The following CFAP44 variants were observed in gnomAD, a reference collection of about 807,000 sequenced individuals.
CFAP44 encodes the protein cilia and flagella associated protein 44, also known as cilia- and flagella-associated protein 44.
In CFAP44, 134 loss-of-function variants were observed where a neutral mutation model predicts 216.2. The observed-to-expected ratio is 0.62, with a 90% CI of 0.54 to 0.72. The LOEUF (loss-of-function observed/expected upper bound fraction) is 0.72, where lower values mean the gene tolerates loss of function less well. Ranked by LOEUF, CFAP44 falls within the 30% of genes least tolerant of loss-of-function variation. CFAP44 has a pLI of 0.00. For synonymous variants in CFAP44, 700 were observed against 727.6 expected, an observed-to-expected ratio of 0.96 and a Z score of 0.61; for missense variants, 2,035 against 2,182.1, an observed-to-expected ratio of 0.93 and a Z score of 1.34.
chr3:113,432,203 ATT>A (rs1935123369), intron 2 of CFAP44: 1 of 152,190 alleles, frequency 6.6e-6, no homozygotes, highest in Non-Finnish European at 1.5e-5. Flanking sequence ...TGGATAGGTT[ATT>A]ATCAACTTGT....
intron 1 of CFAP44, among the ~76,000 whole-genome samples, chr3:113,439,995 A>T (rs1178835405): frequency 6.6e-6 from 1 of 152,196 alleles, no homozygotes; most frequent in Non-Finnish European, 1.5e-5. Flanking sequence ...TACAGTTCTA[A>T]GAAATTCTAC....
At chr3:113,439,663 G>T (rs773134644) in intron 1 of CFAP44, among the ~76,000 whole-genome samples, 6 of 152,084 alleles carry the variant, frequency 3.9e-5, no homozygotes, top group Non-Finnish European at 5.9e-5. Flanking sequence ...AGGTTGACAG[G>T]GTCAACTCTA....
intron 7 of CFAP44, 88 bp downstream of exon 7, chr3:113,409,006 CAAAAAAAAAAAA>C (rs56301009): frequency 3.8e-5 from 12 of 319,554 alleles, no homozygotes; most frequent in South Asian, 5.5e-5. Context: ...ACCAAAACAG[CAAAAAAAAAAAA>C]AAAAAAAAAA....
chr3:113,327,963 AATAAATTCATTAATGGCATTAAGTTTAC>A lies in CFAP44; in HGVS notation c.4117-172_4117-145del, dbSNP rs1950202561. 4.3e-6 allele frequency: 3 copies of A among 702,158 alleles called. No individual in the cohort carries two copies. In the Admixed American group the frequency reaches 9.2e-5, roughly 22 times the overall value. The allele number at this position is 702,158 out of a possible 1,614,324, so 43.5% of individuals were successfully genotyped here. ...TTGTGTGTGTGTGTATAGTCACAAA[AATAAATTCATTAATGGCATTAAGTTTAC>A]ATAAATTAATTTATTAAGTGGTAGG... On this transcript the variant is annotated intron_variant, in intron 26 of 34. Coordinates refer to ENST00000393845, the MANE Select transcript of CFAP44 (RefSeq NM_001164496.2).
intron 6 of CFAP44, among the ~76,000 whole-genome samples, chr3:113,410,616 A>C (rs1934438739): frequency 1.3e-5 from 2 of 152,166 alleles, no homozygotes; most frequent in African/African-American, 4.8e-5. Context: ...ATACATGTGC[A>C]TGTGTCTTTA....
chr3:113,402,034 A>G (rs555406936), intron 9 of CFAP44, among the ~76,000 whole-genome samples: 2 of 152,316 alleles, frequency 1.3e-5, no homozygotes, highest in South Asian at 2.1e-4. Flanking sequence ...CAAGGTTTCT[A>G]TTAGGTCTCT....
intron 15 of CFAP44, among the ~76,000 whole-genome samples, chr3:113,388,984 C>T (rs543256676): frequency 6.6e-6 from 1 of 152,276 alleles, no homozygotes; most frequent in South Asian, 2.1e-4. Context: ...AGAAAATGAA[C>T]AAGGAAACAT....
At chr3:113,426,341 A>T (rs1934959616) in intron 3 of CFAP44, 64 bp from the exon 4 acceptor site, 1 of 1,549,674 alleles carries the variant, frequency 6.5e-7, no homozygotes, top group Non-Finnish European at 8.8e-7. Context: ...CCAAATCTCA[A>T]CTTGAATTGT....
At chr3:113,440,019 C>CA (rs372254962) in intron 1 of CFAP44, among the ~76,000 whole-genome samples, 189 of 151,728 alleles carry the variant, frequency 1.2e-3, no homozygotes, top group African/African-American at 4.2e-3. Flanking sequence ...TATTATCGTA[C>CA]AATTCTCAAA....
intron 29 of CFAP44, among the ~76,000 whole-genome samples, 197 bp from the exon 30 acceptor site, chr3:113,306,528 T>C (rs1447095624): frequency 6.6e-6 from 1 of 152,180 alleles, no homozygotes; most frequent in Non-Finnish European, 1.5e-5. Flanking sequence ...AATAATAGTA[T>C]TGATGTTGTG....
intron 7 of CFAP44, 62 bp downstream of exon 7, chr3:113,409,044 G>C: frequency 1.8e-6 from 1 of 566,014 alleles, no homozygotes; most frequent in Non-Finnish European, 2.9e-6. Flanking sequence ...CCAGCTCTTA[G>C]ATCCTCTTAG....
intron 34 of CFAP44, chr3:113,294,160 C>T (rs1157727487): frequency 4.7e-6 from 2 of 422,572 alleles, no homozygotes; most frequent in East Asian, 1.4e-4. Context: ...TTGTAGAGGG[C>T]AAGACTTGGA....
chr3:113,381,269 G>T (rs1933501205), intron 15 of CFAP44, among the ~76,000 whole-genome samples: 1 of 151,934 alleles, frequency 6.6e-6, no homozygotes, highest in Non-Finnish European at 1.5e-5. Flanking sequence ...ATTATTAAGT[G>T]ATTAAAGATT....
chr3:113,394,993 A>G (rs1933951051), intron 15 of CFAP44, among the ~76,000 whole-genome samples: 1 of 152,258 alleles, frequency 6.6e-6, no homozygotes, highest in Non-Finnish European at 1.5e-5. Context: ...TAGAAAAGAT[A>G]GAAACAATGA....
At position 113,373,108 on chromosome 3, in the gene CFAP44, CTG is replaced by C. The variant is rs753116854; in HGVS notation, c.2444+301_2444+302del. 5.3e-4 allele frequency among the ~76,000 whole-genome samples: 80 copies of C among 152,188 alleles called. 1 individual carries two copies. Among genetic ancestry groups the C allele is most frequent in the Non-Finnish European group, 1.6e-4 (11 of 68,026 alleles). ...TTCATTTGTGATTTCTCCAGAATAA[CTG>C]TAACCCTGAACCTTCATTTCTGACT... is the stretch of plus-strand genomic sequence containing the variant. On this transcript the variant is annotated intron_variant, in intron 18 of 34. Coordinates refer to ENST00000393845, the MANE Select transcript of CFAP44 (RefSeq NM_001164496.2).
intron 25 of CFAP44, among the ~76,000 whole-genome samples, chr3:113,332,573 C>A (rs982481617): frequency 6.6e-6 from 1 of 152,130 alleles, no homozygotes; most frequent in Non-Finnish European, 1.5e-5. Flanking sequence ...TCGAGTTCTC[C>A]TAAAAGTAGT....
At position 113,397,239 on chromosome 3, in the gene CFAP44, T is replaced by C. The variant is rs530454601; in HGVS notation, c.1570-512A>G. 6.4e-5 allele frequency: 10 copies of C among 157,192 alleles called. No homozygotes were observed. The South Asian group carries it at 1.7e-3, about 27-fold the overall frequency. 9.7% of individuals were successfully genotyped at this position (157,192 alleles called of 1,614,324 possible). A position where few individuals can be genotyped will look rare whatever the true frequency, so the allele number is the denominator to read the frequency against. ...CAGGAATTAGCTAGGTACAGGAAGG[T>C]GGCACAAGCACTCCTAAGAGAGAAT... On this transcript the variant is annotated intron_variant, in intron 13 of 34. Transcript: ENST00000393845.
At chr3:113,424,414 C>T (rs112542272) in intron 4 of CFAP44, among the ~76,000 whole-genome samples, 4,470 of 152,052 alleles carry the variant, frequency 0.029, 86 homozygotes, top group East Asian at 0.052. Flanking sequence ...CCAGCCTGGA[C>T]GACAGAGCAA....
At chr3:113,431,163 T>A (rs1203637105) in intron 2 of CFAP44, among the ~76,000 whole-genome samples, 1 of 152,112 alleles carries the variant, frequency 6.6e-6, no homozygotes, top group Non-Finnish European at 1.5e-5. Context: ...AATGCAGCTA[T>A]GATCAGGTAT....
Sources: gnomAD v4.1 joint callset for allele counts (sites outside exome capture counted in the v4.1 genomes callset) on GRCh38, gnomAD v4.1.1 for gene constraint, MANE v1.5 for transcripts, NCBI Gene and HGNC (gene_info 2026-07-23, HGNC 2026-07-21) for gene names.